PRKAR1B: variants seen among roughly 807,000 people sequenced by gnomAD.
The protein encoded by PRKAR1B is cAMP-dependent protein kinase type I-beta regulatory subunit.
PRKAR1B carries 22 observed loss-of-function variants against 46.5 expected under a neutral mutation model. The observed-to-expected ratio is 0.47, with a 90% CI of 0.34 to 0.68. The LOEUF (loss-of-function observed/expected upper bound fraction) is 0.68. PRKAR1B is among the 30% of genes least tolerant of loss of function. The pLI is 0.01. For missense variants in PRKAR1B, 445 were observed against 535.6 expected (o/e 0.83, Z 1.67); for synonymous variants, 259 against 217.7 (o/e 1.19, Z -1.67).
chr7:624,231 G>A (rs113106288), intron 4 of PRKAR1B, among the ~76,000 whole-genome samples: 11,904 of 152,222 alleles, frequency 0.078, 515 homozygotes, highest in Middle Eastern at 0.11. Context: ...TCAGGAGTTC[G>A]AGACCAGCCT....
At chr7:692,769 C>T (rs745776266) in intron 2 of PRKAR1B, among the ~76,000 whole-genome samples, 7 of 152,232 alleles carry the variant, frequency 4.6e-5, no homozygotes, top group South Asian at 2.1e-4. Context: ...GAGACCGACC[C>T]GGGCACTCAA....
chr7:626,298 C>A (rs1783395855), intron 4 of PRKAR1B, among the ~76,000 whole-genome samples: 1 of 152,128 alleles, frequency 6.6e-6, no homozygotes, highest in Non-Finnish European at 1.5e-5. Context: ...TTGAGAGCAA[C>A]CTGGGCAACA....
chr7:598,926 C>A (rs988512870), intron 6 of PRKAR1B, among the ~76,000 whole-genome samples: 11 of 152,254 alleles, frequency 7.2e-5, no homozygotes, highest in African/African-American at 2.7e-4. Flanking sequence ...GCTCTGGGAG[C>A]AGAGAAGGGT....
intron 4 of PRKAR1B, among the ~76,000 whole-genome samples, chr7:629,145 G>A (rs1783586808): frequency 6.6e-6 from 1 of 152,246 alleles, no homozygotes; most frequent in Non-Finnish European, 1.5e-5. Context: ...CCAGGACAGG[G>A]CACGTTTTCC....
chr7:585,737 G>A (rs1344881480), intron 7 of PRKAR1B, among the ~76,000 whole-genome samples: 1 of 152,094 alleles, frequency 6.6e-6, no homozygotes, highest in Non-Finnish European at 1.5e-5. Flanking sequence ...TTATTTTCCA[G>A]AGGCAGAAAC....
At chr7:688,992 A>C (rs1779260528) in intron 2 of PRKAR1B, among the ~76,000 whole-genome samples, 1 of 152,274 alleles carries the variant, frequency 6.6e-6, no homozygotes, top group Non-Finnish European at 1.5e-5. Flanking sequence ...GACAATACAA[A>C]GAGATCCCCC....
At chr7:701,491 T>A (rs1049848573) in intron 2 of PRKAR1B, among the ~76,000 whole-genome samples, 1 of 152,176 alleles carries the variant, frequency 6.6e-6, no homozygotes, top group African/African-American at 2.4e-5. Flanking sequence ...GGTTGAAAAC[T>A]TCTCAAATAT....
At chr7:611,136 G>T (rs922210448) in intron 4 of PRKAR1B, among the ~76,000 whole-genome samples, 1 of 152,232 alleles carries the variant, frequency 6.6e-6, no homozygotes, top group Non-Finnish European at 1.5e-5. Context: ...TTCACCCAAG[G>T]TCAAGAAGCC....
Position 549,979 on chromosome 7 carries a change from C to G in PRKAR1B, c.*451G>C, listed in dbSNP as rs1255901595. ...AACTCCCTGCTCTCAGCCTCATCTCCCCTGGGGGGCAGCCCCTTTTGACAC... is the reference window on the plus strand; with the variant it reads ...AACTCCCTGCTCTCAGCCTCATCTCGCCTGGGGGGCAGCCCCTTTTGACAC... On this transcript the variant is annotated 3_prime_UTR_variant, in exon 11 of 11. Coordinates refer to ENST00000537384, the MANE Select transcript of PRKAR1B (RefSeq NM_001164760.2). 1 of 174,544 alleles carries G rather than the reference C, an allele frequency of 5.7e-6. No homozygotes were observed. Among genetic ancestry groups the G allele is most frequent in the East Asian group, 1.8e-4 (1 of 5,602 alleles). 10.8% of individuals were successfully genotyped at this position (174,544 alleles called of 1,614,324 possible). A position where few individuals can be genotyped will look rare whatever the true frequency, so the allele number is the denominator to read the frequency against.
chr7:703,168 C>T (rs916024119), intron 2 of PRKAR1B, among the ~76,000 whole-genome samples: 1 of 152,068 alleles, frequency 6.6e-6, no homozygotes, highest in African/African-American at 2.4e-5. Context: ...AGAGAAACAT[C>T]GAATAATGAT....
intron 4 of PRKAR1B, among the ~76,000 whole-genome samples, chr7:628,087 G>A (rs915824470): frequency 2.6e-5 from 4 of 152,196 alleles, no homozygotes; most frequent in Admixed American, 6.5e-5. Context: ...AAGACCATGC[G>A]AAAGGGACCT....
rs551249559 is a variant in PRKAR1B, at chr7:595,630, G to A, written c.708+516C>T. 7.9e-5 allele frequency among the ~76,000 whole-genome samples: 12 copies of A among 152,246 alleles called. No individual in the cohort carries two copies. In the South Asian group the frequency reaches 1.0e-3, roughly 13 times the overall value. ...TGAATCGGCCCATAGCACCCCCGCC[G>A]CCCACAGCAAGCACAGGCATACACC... On this transcript the variant is annotated intron_variant, in intron 7 of 10. Transcript: ENST00000537384.
intron 4 of PRKAR1B, among the ~76,000 whole-genome samples, chr7:670,478 A>G (rs867867115): frequency 6.6e-6 from 1 of 152,066 alleles, no homozygotes; most frequent in South Asian, 2.1e-4. Flanking sequence ...GAGCTCCCCC[A>G]TGCCACAGCG....
At chr7:578,223 C>T (rs1779969177) in intron 9 of PRKAR1B, among the ~76,000 whole-genome samples, 1 of 152,100 alleles carries the variant, frequency 6.6e-6, no homozygotes, top group African/African-American at 2.4e-5. Context: ...CCCTCGCCGG[C>T]ACCCGGAATG....
intron 7 of PRKAR1B, among the ~76,000 whole-genome samples, chr7:586,685 TACAC>T (rs1307015918): frequency 2.0e-5 from 3 of 152,208 alleles, no homozygotes; most frequent in Non-Finnish European, 4.4e-5. Flanking sequence ...GGGAATTTGT[TACAC>T]AGCCACAGCT....
At chr7:719,164 C>T (rs534828496) in intron 1 of PRKAR1B, among the ~76,000 whole-genome samples, 3 of 152,214 alleles carry the variant, frequency 2.0e-5, no homozygotes, top group South Asian at 2.1e-4. Context: ...CTCAGCCTCC[C>T]GAGTAGGTGG....
chr7:676,787 G>A (rs1301953975), intron 4 of PRKAR1B, among the ~76,000 whole-genome samples: 4 of 152,180 alleles, frequency 2.6e-5, no homozygotes, highest in Non-Finnish European at 2.9e-5. Context: ...CGGGGAGGGC[G>A]GCGGTGATTC....
intron 4 of PRKAR1B, among the ~76,000 whole-genome samples, chr7:665,506 T>C (rs1455518622): frequency 6.6e-6 from 1 of 152,206 alleles, no homozygotes; most frequent in Non-Finnish European, 1.5e-5. Context: ...CTCCGTTGAA[T>C]TCAGCTTCTA....
In PRKAR1B at chr7:583,574, A is replaced by G. The variant is rs9770447; in HGVS notation, c.769+934T>C. Among the ~76,000 whole-genome samples the G allele has an allele frequency of 3.9e-3, 229 of 59,062 alleles. 2 individuals are homozygous for G. The highest frequency in any genetic ancestry group is 0.017 in the African/African-American group (218 of 12,786). The allele number at this position is 59,062 out of a possible 152,430, so 38.7% of individuals were successfully genotyped here. A position where few individuals can be genotyped will look rare whatever the true frequency, so the allele number is the denominator to read the frequency against. On this transcript the variant is annotated intron_variant, in intron 8 of 10. Coordinates refer to ENST00000537384, the MANE Select transcript of PRKAR1B (RefSeq NM_001164760.2). Reference sequence around the variant, plus strand: ...AACACATGCGTGCACACCCATGCACACACACTTGCACACTCCCAGGTGCAC... The same window carrying G: ...AACACATGCGTGCACACCCATGCACGCACACTTGCACACTCCCAGGTGCAC...
Sources: allele counts gnomAD v4.1 joint callset (sites outside exome capture counted in the v4.1 genomes callset), GRCh38; gene constraint gnomAD v4.1.1; transcripts MANE v1.5; gene names NCBI Gene and HGNC (gene_info 2026-07-23, HGNC 2026-07-21).